Variants in MTMR8 observed in about 807,000 individuals in gnomAD.
MTMR8 encodes phosphatidylinositol-3,5-bisphosphate 3-phosphatase MTMR8.
Under a neutral mutation model 39.3 loss-of-function variants are expected in MTMR8, and 65 were observed. The observed-to-expected ratio is 1.65, with a 90% CI of 1.35 to 2.03. The LOEUF (loss-of-function observed/expected upper bound fraction) is 2.03, where lower values mean the gene tolerates loss of function less well. MTMR8 is among the 30% of genes most tolerant of loss of function. The pLI, the probability that MTMR8 is intolerant of heterozygous loss-of-function variation, is 0.00. For missense variants in MTMR8, 777 were observed against 538.9 expected (o/e 1.44, Z -4.37); for synonymous variants, 245 against 185.2 (o/e 1.32, Z -2.62).
chrX:64,303,433 C>A (rs1298136775), intron 12 of MTMR8, among the ~76,000 whole-genome samples: 1 of 112,005 alleles, frequency 8.9e-6, no homozygotes, highest in Non-Finnish European at 1.9e-5. Context: ...GTTCACAAAA[C>A]AATTTTTATC....
chrX:64,285,326 G>C (rs1380227384), intron 12 of MTMR8, among the ~76,000 whole-genome samples: 1 of 111,336 alleles, frequency 9.0e-6, no homozygotes, highest in East Asian at 2.8e-4. Flanking sequence ...CATAAAGCAA[G>C]TCCTTAGAGA....
chrX:64,385,887 A>G (rs771756668), intron 1 of MTMR8, among the ~76,000 whole-genome samples: 43 of 111,459 alleles, frequency 3.9e-4, no homozygotes, highest in Non-Finnish European at 7.3e-4. Context: ...ATCACATCAG[A>G]GACCATTGTT....
chrX:64,354,852 GTCAA>G lies in MTMR8; in HGVS notation c.389_392del (p.Ile130ThrfsTer18), dbSNP rs778923167. ...CCATACGCCCAAAGTCTGATATTGGGTCAATCAGTTTCCATCCACTTTCCCTCAT... is the reference window on the plus strand; with the variant it reads ...CCATACGCCCAAAGTCTGATATTGGGTCAGTTTCCATCCACTTTCCCTCAT... On this transcript the variant is annotated frameshift_variant, in exon 4 of 14. Coordinates refer to ENST00000374852, the MANE Select transcript of MTMR8 (RefSeq NM_017677.4). LOFTEE classifies it high-confidence loss of function. 2 of 1,205,962 alleles carry G rather than the reference GTCAA, an allele frequency of 1.7e-6. No individual in the cohort carries two copies. The highest frequency in any genetic ancestry group is 2.3e-4 in the Middle Eastern group (1 of 4,329).
In MTMR8 at chrX:64,359,411, T is replaced by C. The variant is rs146850880; in HGVS notation, c.141A>G (p.Glu47=). Residue 47 remains glutamate (E), a synonymous_variant, in exon 2 of 14, where the codon GAA becomes GAG. Transcript: ENST00000374852. ...CTTCTTCTCATGAACATACCCATGT[T>C]TCTTTCCGGGCTGCACCTGAAGCCT... ...YVEASGAARK[E]TWIALHHIAT... is the part of the protein sequence containing the mutation. 666 of 1,201,589 alleles carry C rather than the reference T, an allele frequency of 5.5e-4. 1 individual carries two copies. Among genetic ancestry groups the C allele is most frequent in the Non-Finnish European group, 7.0e-4 (627 of 890,350 alleles).
chrX:64,367,957 A>G (rs1394516142), intron 1 of MTMR8, among the ~76,000 whole-genome samples: 1 of 112,035 alleles, frequency 8.9e-6, no homozygotes, highest in Admixed American at 9.5e-5. Context: ...GCATTCCTAT[A>G]CATCAATAAC....
intron 3 of MTMR8, among the ~76,000 whole-genome samples, chrX:64,355,715 A>G (rs1923604224): frequency 2.7e-5 from 3 of 111,229 alleles, no homozygotes; most frequent in South Asian, 7.6e-4. Context: ...GGAAGCATTA[A>G]GTCCTACATT....
chrX:64,354,731 A>G (rs374604227), intron 4 of MTMR8, 46 bp downstream of exon 4: 2 of 1,109,146 alleles, frequency 1.8e-6, no homozygotes, highest in African/African-American at 1.9e-5. Flanking sequence ...ATATTCTACC[A>G]TCTTAATTAA....
chrX:64,374,666 C>T (rs1185710926), intron 1 of MTMR8, among the ~76,000 whole-genome samples: 2 of 111,486 alleles, frequency 1.8e-5, no homozygotes, highest in South Asian at 3.8e-4. Flanking sequence ...TGGCAGCCTC[C>T]TGAAAGACAG....
intron 12 of MTMR8, among the ~76,000 whole-genome samples, chrX:64,281,825 T>C (rs1569208803): frequency 9.4e-6 from 1 of 106,070 alleles, no homozygotes; most frequent in Non-Finnish European, 1.9e-5. Flanking sequence ...ATCCAGAATT[T>C]ACAAGGAACT....
intron 1 of MTMR8, among the ~76,000 whole-genome samples, chrX:64,393,421 C>T (rs1163090676): frequency 4.5e-5 from 5 of 111,904 alleles, no homozygotes; most frequent in Non-Finnish European, 9.4e-5. Context: ...AGAGCCAGCC[C>T]AGTTTATAGC....
intron 1 of MTMR8, among the ~76,000 whole-genome samples, chrX:64,380,258 A>T (rs767049853): frequency 8.9e-6 from 1 of 112,696 alleles, no homozygotes; most frequent in Non-Finnish European, 1.9e-5. Context: ...GTTACCCAGA[A>T]ATGCTCACAC....
intron 12 of MTMR8, among the ~76,000 whole-genome samples, chrX:64,282,073 G>T (rs1267196350): frequency 9.0e-6 from 1 of 111,097 alleles, no homozygotes; most frequent in East Asian, 2.8e-4. Flanking sequence ...AGAAACAACA[G>T]ATGCTGGCAA....
chrX:64,331,868 A>G, intron 10 of MTMR8, 111 bp from the exon 11 acceptor site: 5 of 642,953 alleles, frequency 7.8e-6, no homozygotes, highest in Non-Finnish European at 9.5e-6. Context: ...AGTGGCAAGG[A>G]AACACCTCAT....
intron 1 of MTMR8, among the ~76,000 whole-genome samples, chrX:64,392,156 G>A (rs751352682): frequency 2.7e-4 from 30 of 111,589 alleles, no homozygotes; most frequent in African/African-American, 3.6e-4. Flanking sequence ...TACATAGGTC[G>A]TGGGAATGTA....
intron 12 of MTMR8, among the ~76,000 whole-genome samples, chrX:64,325,784 C>A (rs1922773666): frequency 9.0e-6 from 1 of 111,566 alleles, no homozygotes; most frequent in South Asian, 3.8e-4. Flanking sequence ...GAATTCCTAG[C>A]CACAGCAATT....
In MTMR8 at chrX:64,337,472, C is replaced by T. The variant is rs975693524; in HGVS notation, c.976-79G>A. On this transcript the variant is annotated intron_variant, in intron 8 of 13. Transcript: ENST00000374852. ...GGATTAAAGAGTTGCCAAATACTGT[C>T]CCTAAAGCACAGAGAACCTGGTCTT... is the stretch of plus-strand genomic sequence containing the variant. The T allele has an allele frequency of 3.6e-5, 38 of 1,060,255 alleles. No individual in the cohort carries two copies. In the African/African-American group the frequency reaches 6.8e-4, roughly 19 times the overall value. The allele number at this position is 1,060,255 out of a possible 1,213,427, so 87.4% of individuals were successfully genotyped here.
intron 2 of MTMR8, 115 bp downstream of exon 2, chrX:64,359,290 G>T (rs911285479): frequency 1.3e-6 from 1 of 773,398 alleles, no homozygotes; most frequent in Non-Finnish European, 1.7e-6. Flanking sequence ...GTCCTCTGAA[G>T]AAAAGGTTTT....
intron 12 of MTMR8, chrX:64,306,701 T>C (rs1922129777): frequency 8.9e-6 from 1 of 112,927 alleles, no homozygotes; most frequent in Non-Finnish European, 1.9e-5. Context: ...TTCTCAAAAT[T>C]CTTGAGCCAT....
At chrX:64,371,348 A>C (rs763764478) in intron 1 of MTMR8, among the ~76,000 whole-genome samples, 15 of 112,494 alleles carry the variant, frequency 1.3e-4, no homozygotes, top group African/African-American at 4.8e-4. Context: ...CAGAAATGCT[A>C]ATTTTAAATG....
Sources: gnomAD v4.1 joint callset for allele counts (sites outside exome capture counted in the v4.1 genomes callset) on GRCh38, gnomAD v4.1.1 for gene constraint, MANE v1.5 for transcripts, NCBI Gene and HGNC (gene_info 2026-07-23, HGNC 2026-07-21) for gene names.